SERPINA9: variants seen among roughly 807,000 people sequenced by gnomAD.
The protein encoded by SERPINA9 is serpin A9.
A neutral mutation model predicts 24.5 loss-of-function variants in SERPINA9; 32 were observed. The ratio of observed to expected loss-of-function variants is 1.30; its 90% CI spans 0.98 to 1.75. The LOEUF (loss-of-function observed/expected upper bound fraction) is 1.75, where lower values mean the gene tolerates loss of function less well. SERPINA9 is among the 40% of genes most tolerant of loss of function. SERPINA9 has a pLI of 0.00. For missense variants in SERPINA9, 594 were observed against 497.1 expected, an observed-to-expected ratio of 1.19 and a Z score of -1.85; for synonymous variants, 233 against 197.7, an observed-to-expected ratio of 1.18 and a Z score of -1.50.
At position 94,473,485 on chromosome 14, in the gene SERPINA9, C is replaced by A. The variant is rs560990216; in HGVS notation, c.-18+2651G>T. The stretch of plus-strand genomic sequence containing the variant: ...AGTGAGTCGAGATCAGGCCATTGCA[C>A]TCCAGCCTGGGCAACAAGAGTGAAA... On this transcript the variant is annotated intron_variant, in intron 1 of 4. Coordinates refer to ENST00000674397, the MANE Select transcript of SERPINA9 (RefSeq NM_175739.4). Among the ~76,000 whole-genome samples, 59 of 145,142 alleles carry A rather than the reference C, an allele frequency of 4.1e-4. 1 individual carries two copies. The highest frequency in any genetic ancestry group is 6.3e-4 in the Non-Finnish European group (42 of 67,102).
chr14:94,475,510 T>G (rs1037830247), intron 1 of SERPINA9, among the ~76,000 whole-genome samples: 1 of 151,988 alleles, frequency 6.6e-6, no homozygotes, highest in Admixed American at 6.6e-5. Context: ...AGAGATCCTA[T>G]GAAAAGGAAT....
intron 1 of SERPINA9, among the ~76,000 whole-genome samples, chr14:94,474,281 G>A (rs1005321762): frequency 7.2e-5 from 11 of 152,184 alleles, no homozygotes; most frequent in Non-Finnish European, 1.2e-4. Flanking sequence ...ATCAGCAGAG[G>A]TGGCCTATTA....
intron 1 of SERPINA9, among the ~76,000 whole-genome samples, chr14:94,474,697 C>T (rs1375693553): frequency 4.6e-5 from 7 of 152,084 alleles, no homozygotes; most frequent in Admixed American, 1.3e-4. Flanking sequence ...TTTATGTGAG[C>T]GTTCGGCCAG....
chr14:94,470,059 A>G (rs937010541), intron 1 of SERPINA9: 2 of 661,142 alleles, frequency 3.0e-6, no homozygotes, highest in African/African-American at 3.6e-5. Context: ...AAATGAGTAA[A>G]CAGGCCACAG....
At position 94,467,123 on chromosome 14, in the gene SERPINA9, G is replaced by A. The variant is rs765413148; in HGVS notation, c.888C>T (p.His296=). 2.5e-6 allele frequency: 4 copies of A among 1,613,980 alleles called. No individual in the cohort carries two copies. Among genetic ancestry groups the A allele is most frequent in the Non-Finnish European group, 3.4e-6 (4 of 1,179,934 alleles). ...CAGATGCCCACCTTTTCTGGAGTGA[G>A]TGGCTCCACTTTCTCAGTGTTCTGG... The part of the protein sequence containing the change: ...LSARTLRKWS[H]SLQKRWIEVF... The change falls in exon 3 of 5, where the codon CAC becomes CAT. Residue 296 remains histidine (H), a synonymous_variant. Coordinates refer to ENST00000674397, the MANE Select transcript of SERPINA9 (RefSeq NM_175739.4).
chr14:94,473,412 CG>C (rs1899422695), intron 1 of SERPINA9, among the ~76,000 whole-genome samples: 1 of 151,012 alleles, frequency 6.6e-6, no homozygotes, highest in African/African-American at 2.4e-5. Flanking sequence ...CCAGCTACTC[CG>C]GAGGCTGAGA....
intron 2 of SERPINA9, among the ~76,000 whole-genome samples, 155 bp downstream of exon 2, chr14:94,469,058 T>C (rs903194859): frequency 7.9e-5 from 12 of 152,222 alleles, no homozygotes; most frequent in African/African-American, 2.9e-4. Flanking sequence ...TCCTAGGTCC[T>C]GCAGCCAGCT....
intron 1 of SERPINA9, among the ~76,000 whole-genome samples, chr14:94,472,281 C>G (rs1899356305): frequency 6.6e-6 from 1 of 152,194 alleles, no homozygotes; most frequent in African/African-American, 2.4e-5. Flanking sequence ...ATAGCATACT[C>G]TGCTACAAAT....
rs781782184 is a variant in SERPINA9 at position 94,469,847 on chromosome 14, A to G, written c.-7T>C. 6.0e-6 allele frequency: 9 copies of G among 1,509,538 alleles called. No homozygotes were observed. Among genetic ancestry groups the G allele is most frequent in the East Asian group, 4.6e-5 (2 of 43,918 alleles). The allele number at this position is 1,509,538 out of a possible 1,614,324, so 93.5% of individuals were successfully genotyped here. The stretch of plus-strand genomic sequence containing the variant: ...CATAAAGGTAAGATGCCATTTTGGA[A>G]CAAAATATGTCTGCAAGAGAAGTAA... On this transcript the variant is annotated 5_prime_UTR_variant, in exon 2 of 5. Coordinates refer to ENST00000674397, the MANE Select transcript of SERPINA9 (RefSeq NM_175739.4).
At chr14:94,474,296 C>T (rs12896721) in intron 1 of SERPINA9, among the ~76,000 whole-genome samples, 51,747 of 152,098 alleles carry the variant, frequency 0.34, 10,228 homozygotes, top group Admixed American at 0.44. Context: ...CTATTAGACG[C>T]GGCCTCCACG....
chr14:94,471,351 C>T (rs1899308277), intron 1 of SERPINA9, among the ~76,000 whole-genome samples: 1 of 152,192 alleles, frequency 6.6e-6, no homozygotes, highest in South Asian at 2.1e-4. Flanking sequence ...AGAACCTTTG[C>T]CAAAAGCGAC....
chr14:94,472,142 C>T (rs765724843), intron 1 of SERPINA9, among the ~76,000 whole-genome samples: 29 of 151,984 alleles, frequency 1.9e-4, no homozygotes, highest in African/African-American at 6.5e-4. Context: ...GAGTTGACTG[C>T]TTCCCCTCTC....
At chr14:94,475,587 C>G (rs1899570727) in intron 1 of SERPINA9, among the ~76,000 whole-genome samples, 1 of 152,274 alleles carries the variant, frequency 6.6e-6, no homozygotes, top group East Asian at 1.9e-4. Flanking sequence ...CCCTCTCTCT[C>G]CCCTACACCT....
At position 94,469,795 on chromosome 14, in the gene SERPINA9, CACAGAGGCCA is replaced by C; in HGVS notation, c.36_45del (p.Gly13LeufsTer58). 3 of 1,527,786 alleles carry C rather than the reference CACAGAGGCCA, an allele frequency of 2.0e-6. No individual in the cohort carries two copies. Among genetic ancestry groups the C allele is most frequent in the Non-Finnish European group, 2.6e-6 (3 of 1,138,582 alleles). The allele number at this position is 1,527,786 out of a possible 1,614,324, so 94.6% of individuals were successfully genotyped here. ...GCCGGGGACACACAGTAGATTGGAG[CACAGAGGCCA>C]ACAGCAAAGAGTACTCCATAAAGGT... On this transcript the variant is annotated frameshift_variant, in exon 2 of 5. Coordinates refer to ENST00000674397, the MANE Select transcript of SERPINA9 (RefSeq NM_175739.4). LOFTEE classifies it high-confidence loss of function.
Position 94,467,225 on chromosome 14 carries a change from A to G in SERPINA9, c.786T>C (p.Asp262=). The G allele has an allele frequency of 6.2e-7, 1 of 1,614,208 alleles. No homozygotes were observed. The highest frequency in any genetic ancestry group is 1.3e-5 in the African/African-American group (1 of 75,030). The change falls in exon 3 of 5, where the codon GAT becomes GAC. Residue 262 remains aspartate, a synonymous_variant. Coordinates refer to ENST00000674397, the MANE Select transcript of SERPINA9 (RefSeq NM_175739.4). ...TELNCFVLQM[D]YKGDAVAFFV... ...AGAAGGCCACGGCATCTCCCTTGTA[A>G]TCCATCTGCAGCACAAAGCAGTTCA...
intron 2 of SERPINA9, among the ~76,000 whole-genome samples, chr14:94,467,878 T>TA (rs1220251085): frequency 6.6e-6 from 1 of 151,296 alleles, no homozygotes; most frequent in Non-Finnish European, 1.5e-5. Context: ...GGTGGTTGGC[T>TA]AGCTAGATGG....
rs547096457 is a variant in SERPINA9, at chr14:94,472,121, T to C, written c.-17-2264A>G. On this transcript the variant is annotated intron_variant, in intron 1 of 4. Transcript: ENST00000674397. ...AGAGTTCTCTGGGAACCCTATGACATGTGGCCTTGAGAGTTGACTGCTTCC... is the reference window on the plus strand; with the variant it reads ...AGAGTTCTCTGGGAACCCTATGACACGTGGCCTTGAGAGTTGACTGCTTCC... Among the ~76,000 whole-genome samples, 124 of 152,176 alleles carry C rather than the reference T, an allele frequency of 8.1e-4. 1 individual carries two copies. Among genetic ancestry groups the C allele is most frequent in the African/African-American group, 3.0e-3 (123 of 41,524 alleles).
chr14:94,468,429 T>C (rs762556881), intron 2 of SERPINA9, among the ~76,000 whole-genome samples: 3 of 152,134 alleles, frequency 2.0e-5, no homozygotes, highest in African/African-American at 7.2e-5. Flanking sequence ...GATGATACGG[T>C]GGCATCCATG....
At chr14:94,474,202 G>A (rs149822201) in intron 1 of SERPINA9, among the ~76,000 whole-genome samples, 1 of 152,358 alleles carries the variant, frequency 6.6e-6, no homozygotes, top group East Asian at 1.9e-4. Flanking sequence ...GAGGCTGGCA[G>A]TGGGGCAGGT....
Sources: gnomAD v4.1 joint callset for allele counts (sites outside exome capture counted in the v4.1 genomes callset) on GRCh38, gnomAD v4.1.1 for gene constraint, MANE v1.5 for transcripts, NCBI Gene and HGNC (gene_info 2026-07-23, HGNC 2026-07-21) for gene names.